The following SUGCT variants were observed in gnomAD, a reference collection of about 807,000 sequenced individuals.
The protein encoded by SUGCT is succinyl-CoA:glutarate-CoA transferase.
A neutral mutation model predicts 55.0 loss-of-function variants in SUGCT; 41 were observed. The observed-to-expected ratio is 0.74, with a 90% CI of 0.58 to 0.97. The LOEUF (loss-of-function observed/expected upper bound fraction) is 0.97, where lower values mean the gene tolerates loss of function less well. Among genes scored for constraint, SUGCT ranks in the 50% least tolerant of loss-of-function variants. The pLI is 0.00. For synonymous variants in SUGCT, 187 were observed against 200.4 expected, an observed-to-expected ratio of 0.93 and a Z score of 0.56; for missense variants, 568 against 547.8, an observed-to-expected ratio of 1.04 and a Z score of -0.37.
At chr7:40,978,581 A>T in the SUGCT span, among the ~76,000 whole-genome samples, 1 of 152,198 alleles carries the variant, frequency 6.6e-6, no homozygotes, top group East Asian at 1.9e-4. Flanking sequence ...AGGGCTGAGG[A>T]AGTTATGACC....
intron 12 of SUGCT, among the ~76,000 whole-genome samples, chr7:40,522,838 G>A (rs1049204247): frequency 1.3e-5 from 2 of 151,996 alleles, no homozygotes; most frequent in Non-Finnish European, 2.9e-5. Flanking sequence ...CTTGTTGAGG[G>A]TTTCACGCTG....
intron 12 of SUGCT, among the ~76,000 whole-genome samples, chr7:40,582,055 A>G (rs577214462): frequency 1.3e-5 from 2 of 152,278 alleles, no homozygotes; most frequent in African/African-American, 2.4e-5. Context: ...GACATGCACA[A>G]TCTCACCCAG....
chr7:40,929,597 T>C, the SUGCT span, among the ~76,000 whole-genome samples: 1 of 152,228 alleles, frequency 6.6e-6, no homozygotes, highest in African/African-American at 2.4e-5. Context: ...TTCCTGACTT[T>C]TTAATGATTG....
At chr7:40,524,742 G>T (rs997400269) in intron 12 of SUGCT, among the ~76,000 whole-genome samples, 1 of 152,114 alleles carries the variant, frequency 6.6e-6, no homozygotes, top group African/African-American at 2.4e-5. Context: ...ATTGGCTTCC[G>T]TAGTTTTTTA....
intron 12 of SUGCT, among the ~76,000 whole-genome samples, chr7:40,682,727 A>AC (rs1211413236): frequency 7.1e-6 from 1 of 140,134 alleles, no homozygotes; most frequent in African/African-American, 2.6e-5. Flanking sequence ...TCCCCTCCCC[A>AC]CCCCCCAAAA....
chr7:40,292,170 G>A (rs1458010810), intron 8 of SUGCT, among the ~76,000 whole-genome samples: 1 of 152,104 alleles, frequency 6.6e-6, no homozygotes, highest in African/African-American at 2.4e-5. Context: ...TACAAATGAA[G>A]GTCTTTATCA....
At position 40,429,492 on chromosome 7, in the gene SUGCT, G is replaced by A. The variant is rs182692113; in HGVS notation, c.817-19795G>A. On this transcript the variant is annotated intron_variant, in intron 9 of 13. Transcript: ENST00000335693. ...GTCCCAAAACCTCAAAAGTAGGGAA[G>A]CTGACAGTGCAGCCAACCTTCAGTC... Among the ~76,000 whole-genome samples, 123 of 152,308 alleles carry A rather than the reference G, an allele frequency of 8.1e-4. 1 individual carries two copies. The South Asian group carries it at 0.011, about 13-fold the overall frequency.
chr7:41,027,967 C>T, the SUGCT span, among the ~76,000 whole-genome samples: 1 of 152,176 alleles, frequency 6.6e-6, no homozygotes, highest in Non-Finnish European at 1.5e-5. Flanking sequence ...TCCAAACTGG[C>T]TTTCCTCATC....
intron 12 of SUGCT, among the ~76,000 whole-genome samples, chr7:40,508,934 G>T: frequency 6.6e-6 from 1 of 151,468 alleles, no homozygotes. Context: ...CCCTGCTGTG[G>T]TGTTCAGCCT....
At chr7:40,451,898 A>G (rs1475641145) in intron 10 of SUGCT, among the ~76,000 whole-genome samples, 1 of 152,176 alleles carries the variant, frequency 6.6e-6, no homozygotes, top group East Asian at 1.9e-4. Context: ...AACTGGGCTT[A>G]TAGAAGATGG....
rs763545903 is a variant in SUGCT, at chr7:40,237,672, T to C, written c.522T>C (p.Gly174=). The change falls in exon 7 of 14, where the codon GGT becomes GGC. Residue 174 remains glycine, a synonymous_variant. Transcript: ENST00000335693. ...GQTGPISQRA[G]YDAVASAVSG... ...CAGGTCCAATTTCTCAGCGAGCTGG[T>C]TATGATGCTGTTGCCTCGGCTGTTT... 2.7e-5 allele frequency: 43 copies of C among 1,613,920 alleles called. No individual in the cohort carries two copies. In the South Asian group the frequency reaches 4.5e-4, roughly 17 times the overall value.
At chr7:40,617,662 G>A (rs1274999421) in intron 12 of SUGCT, among the ~76,000 whole-genome samples, 2 of 152,166 alleles carry the variant, frequency 1.3e-5, no homozygotes, top group Admixed American at 1.3e-4. Flanking sequence ...GACTTAAAAT[G>A]TCTTAGAAAT....
the SUGCT span, among the ~76,000 whole-genome samples, chr7:40,878,623 A>C: frequency 6.6e-6 from 1 of 152,116 alleles, no homozygotes; most frequent in Non-Finnish European, 1.5e-5. Context: ...TTCACTTGGA[A>C]GGCAAATACT....
At chr7:40,512,625 A>G (rs1792991210) in intron 12 of SUGCT, among the ~76,000 whole-genome samples, 3 of 152,192 alleles carry the variant, frequency 2.0e-5, no homozygotes, top group African/African-American at 7.2e-5. Context: ...GAGATAGTAC[A>G]TGCATAAAGA....
the SUGCT span, among the ~76,000 whole-genome samples, chr7:40,974,517 C>A: frequency 6.6e-6 from 1 of 152,168 alleles, no homozygotes; most frequent in Non-Finnish European, 1.5e-5. Context: ...CCATCCCTGC[C>A]AAATCTTGAT....
chr7:40,712,548 A>G (rs910444201), intron 12 of SUGCT, among the ~76,000 whole-genome samples: 1 of 152,256 alleles, frequency 6.6e-6, no homozygotes, highest in Non-Finnish European at 1.5e-5. Flanking sequence ...TTAGGATTAT[A>G]TAAAATTTGT....
At chr7:40,182,451 A>G (rs1269138393) in intron 3 of SUGCT, among the ~76,000 whole-genome samples, 1 of 151,818 alleles carries the variant, frequency 6.6e-6, no homozygotes, top group African/African-American at 2.4e-5. Context: ...AATTGCAGCT[A>G]CTTGGGAGGC....
chr7:40,622,317 C>A (rs1420734075), intron 12 of SUGCT, among the ~76,000 whole-genome samples: 1 of 152,128 alleles, frequency 6.6e-6, no homozygotes, highest in Non-Finnish European at 1.5e-5. Flanking sequence ...GATCTTTGAA[C>A]TTCTGAAACT....
chr7:40,756,036 T>C (rs1256523382), intron 13 of SUGCT, among the ~76,000 whole-genome samples: 1 of 152,184 alleles, frequency 6.6e-6, no homozygotes, highest in African/African-American at 2.4e-5. Flanking sequence ...TATTAGAATA[T>C]TGATGTTTGG....
Sources: allele counts gnomAD v4.1 joint callset (sites outside exome capture counted in the v4.1 genomes callset), GRCh38; gene constraint gnomAD v4.1.1; transcripts MANE v1.5; gene names NCBI Gene and HGNC (gene_info 2026-07-23, HGNC 2026-07-21).